PTPRJ: variants seen among roughly 807,000 people sequenced by gnomAD.
The protein encoded by PTPRJ is protein tyrosine phosphatase receptor type J, also known as receptor-type tyrosine-protein phosphatase eta.
PTPRJ carries 129 observed loss-of-function variants against 141.3 expected under a neutral mutation model. The ratio of observed to expected loss-of-function variants is 0.91; its 90% CI spans 0.79 to 1.06. The LOEUF (loss-of-function observed/expected upper bound fraction) is 1.06, where lower values mean the gene tolerates loss of function less well. Ranked by LOEUF, PTPRJ falls within the 50% of genes least tolerant of loss-of-function variation. The pLI, the probability that PTPRJ is intolerant of heterozygous loss-of-function variation, is 0.00. For missense variants in PTPRJ, 1,601 were observed against 1,679.7 expected (o/e 0.95, Z 0.82); for synonymous variants, 610 against 640.5 (o/e 0.95, Z 0.72).
intron 1 of PTPRJ, among the ~76,000 whole-genome samples, chr11:48,033,288 G>A (rs979554241): frequency 2.0e-5 from 3 of 152,104 alleles, no homozygotes; most frequent in African/African-American, 7.2e-5. Flanking sequence ...GGGTGGAGTG[G>A]GGTGGGGTGG....
intron 14 of PTPRJ, 134 bp downstream of exon 14, chr11:48,145,258 T>C: frequency 7.9e-7 from 1 of 1,273,036 alleles, no homozygotes; most frequent in South Asian, 1.4e-5. Flanking sequence ...CTCCCAGAGG[T>C]TGAGATGTCA....
chr11:48,063,184 TG>T (rs1052876657), intron 1 of PTPRJ, among the ~76,000 whole-genome samples: 15 of 152,156 alleles, frequency 9.9e-5, no homozygotes, highest in African/African-American at 3.6e-4. Flanking sequence ...AAAAATTAGC[TG>T]GGCGTGGTGG....
At chr11:48,051,201 T>G (rs1295005495) in intron 1 of PTPRJ, among the ~76,000 whole-genome samples, 1 of 148,620 alleles carries the variant, frequency 6.7e-6, no homozygotes, top group Non-Finnish European at 1.5e-5. Flanking sequence ...ATTCAAGCGA[T>G]TCTCCTGCCT....
chr11:48,081,525 T>C (rs1855556716), intron 1 of PTPRJ, among the ~76,000 whole-genome samples: 1 of 152,142 alleles, frequency 6.6e-6, no homozygotes. Context: ...ATATGCCCCT[T>C]TCGTCCTGAA....
chr11:48,149,649 C>A, intron 16 of PTPRJ, 161 bp downstream of exon 16: 1 of 566,666 alleles, frequency 1.8e-6, no homozygotes, highest in Non-Finnish European at 3.0e-6. Flanking sequence ...TGCAAGGAAT[C>A]TATGTTTTAT....
chr11:48,161,713 A>G (rs1857783013), intron 22 of PTPRJ, among the ~76,000 whole-genome samples: 1 of 152,036 alleles, frequency 6.6e-6, no homozygotes, highest in Non-Finnish European at 1.5e-5. Flanking sequence ...CTCGGGTCCA[A>G]GTGATTCTCC....
At chr11:48,059,283 G>A (rs1173757657) in intron 1 of PTPRJ, among the ~76,000 whole-genome samples, 8 of 151,812 alleles carry the variant, frequency 5.3e-5, no homozygotes, top group Admixed American at 2.0e-4. Flanking sequence ...CACCACATCC[G>A]GCTAATTTTT....
chr11:48,017,358 C>T (rs1854978381), intron 1 of PTPRJ, among the ~76,000 whole-genome samples: 1 of 152,100 alleles, frequency 6.6e-6, no homozygotes, highest in Non-Finnish European at 1.5e-5. Context: ...GATAACAAGC[C>T]TGGCACACTG....
At chr11:48,058,581 C>T (rs1052351359) in intron 1 of PTPRJ, among the ~76,000 whole-genome samples, 1 of 152,116 alleles carries the variant, frequency 6.6e-6, no homozygotes, top group African/African-American at 2.4e-5. Flanking sequence ...TGGGTTCAAT[C>T]TTCAAAGCAA....
rs1237660851 is a variant in PTPRJ at position 48,142,960 on chromosome 11, A to G, written c.2485A>G (p.Ser829Gly). ...TGGATCCCCTAATATTACATCTGTC[A>G]GTCACAATTCAGTAAAGGTCAAGTT... ...PDGSPNITSVSHNSVKVKFSG... is the reference protein window; with the variant it reads ...PDGSPNITSVGHNSVKVKFSG... Residue 829 changes from serine to glycine, a missense_variant, in exon 12 of 25, where the codon AGT becomes GGT. Transcript: ENST00000418331. 24 of 1,614,146 alleles carry G rather than the reference A, an allele frequency of 1.5e-5. No homozygotes were observed. The highest frequency in any genetic ancestry group is 1.9e-5 in the Non-Finnish European group (23 of 1,179,980).
chr11:48,023,440 T>A (rs1308489166), intron 1 of PTPRJ, among the ~76,000 whole-genome samples: 1 of 152,182 alleles, frequency 6.6e-6, no homozygotes, highest in Non-Finnish European at 1.5e-5. Context: ...AATCTTTGGC[T>A]TTCTGAATCA....
chr11:47,985,819 G>A (rs1343547379), intron 1 of PTPRJ, among the ~76,000 whole-genome samples: 1 of 152,112 alleles, frequency 6.6e-6, no homozygotes, highest in African/African-American at 2.4e-5. Flanking sequence ...TCCTGCCTCA[G>A]CCTGCTGAGT....
intron 3 of PTPRJ, among the ~76,000 whole-genome samples, chr11:48,116,029 A>G (rs868538725): frequency 6.6e-6 from 1 of 152,242 alleles, no homozygotes. Flanking sequence ...CAAAGAGTCT[A>G]TAAAACAACC....
At chr11:48,162,460 T>C (rs915404225) in intron 22 of PTPRJ, among the ~76,000 whole-genome samples, 5 of 151,764 alleles carry the variant, frequency 3.3e-5, no homozygotes, top group African/African-American at 1.2e-4. Flanking sequence ...GGTTTCTGTC[T>C]TTGGATCAGT....
intron 2 of PTPRJ, among the ~76,000 whole-genome samples, chr11:48,110,767 C>G (rs1856417481): frequency 6.6e-6 from 1 of 152,126 alleles, no homozygotes. Flanking sequence ...ATCGTCATAA[C>G]CTTTGGAAAA....
At chr11:48,073,376 C>T (rs1855312821) in intron 1 of PTPRJ, among the ~76,000 whole-genome samples, 1 of 152,244 alleles carries the variant, frequency 6.6e-6, no homozygotes. Flanking sequence ...ATGCTCCCTG[C>T]AGTCCAAACT....
chr11:48,028,530 C>G lies in PTPRJ; in HGVS notation c.96+47522C>G, dbSNP rs967330459. Among the ~76,000 whole-genome samples, 41 of 152,316 alleles carry G rather than the reference C, an allele frequency of 2.7e-4. 1 individual carries two copies. The highest frequency in any genetic ancestry group is 2.6e-4 in the Non-Finnish European group (18 of 68,018). On this transcript the variant is annotated intron_variant, in intron 1 of 24. Transcript: ENST00000418331. ...AAGCTGCTGGGCGTGGTGGCTCACA[C>G]CTGTAATCCCAGCACTTTGGGAGGC...
At chr11:47,995,427 G>A (rs372970250) in intron 1 of PTPRJ, among the ~76,000 whole-genome samples, 3 of 152,192 alleles carry the variant, frequency 2.0e-5, no homozygotes, top group East Asian at 1.9e-4. Flanking sequence ...CTGAGTCCAG[G>A]AAGGACAGCT....
chr11:48,052,863 C>T (rs1404811923), intron 1 of PTPRJ, among the ~76,000 whole-genome samples: 1 of 151,592 alleles, frequency 6.6e-6, no homozygotes. Flanking sequence ...AGCAGCTGTG[C>T]CCTCTCCACC....
Sources: gnomAD v4.1 joint callset for allele counts (sites outside exome capture counted in the v4.1 genomes callset) on GRCh38, gnomAD v4.1.1 for gene constraint, MANE v1.5 for transcripts, NCBI Gene and HGNC (gene_info 2026-07-23, HGNC 2026-07-21) for gene names.